OSBP2: variants seen among roughly 807,000 people sequenced by gnomAD.
OSBP2 encodes the protein oxysterol binding protein 2, also known as oxysterol-binding protein 2.
A neutral mutation model predicts 96.0 loss-of-function variants in OSBP2; 66 were observed. The observed-to-expected ratio is 0.69, with a 90% CI of 0.56 to 0.84. The LOEUF is 0.84. OSBP2 is among the 40% of genes least tolerant of loss of function. The pLI is 0.00. For missense variants in OSBP2, 1,038 were observed against 1,222.7 expected (o/e 0.85, Z 2.25); for synonymous variants, 525 against 520.9 (o/e 1.01, Z -0.11).
At chr22:30,766,234 A>G (rs1005280027) in intron 2 of OSBP2, among the ~76,000 whole-genome samples, 3 of 152,116 alleles carry the variant, frequency 2.0e-5, no homozygotes, top group African/African-American at 7.2e-5. Flanking sequence ...AAACAAAAAC[A>G]AAAAACTGGT....
At chr22:30,807,477 G>T (rs1026562847) in intron 2 of OSBP2, among the ~76,000 whole-genome samples, 7 of 152,110 alleles carry the variant, frequency 4.6e-5, no homozygotes, top group African/African-American at 1.7e-4. Context: ...TCTGCTCTCG[G>T]CACTGCTTTC....
chr22:30,903,512 T>A (rs886369008), intron 12 of OSBP2, among the ~76,000 whole-genome samples: 17 of 151,998 alleles, frequency 1.1e-4, no homozygotes, highest in African/African-American at 4.1e-4. Context: ...CAGTAGGGAG[T>A]CCACGGAGAA....
chr22:30,746,773 C>T (rs12158477), intron 2 of OSBP2, among the ~76,000 whole-genome samples: 5,783 of 151,732 alleles, frequency 0.038, 185 homozygotes, highest in African/African-American at 0.081. Context: ...ATTACAGGCA[C>T]GAGCCACTGT....
At chr22:30,795,075 G>C (rs1188563675) in intron 2 of OSBP2, among the ~76,000 whole-genome samples, 1 of 151,284 alleles carries the variant, frequency 6.6e-6, no homozygotes, top group Non-Finnish European at 1.5e-5. Context: ...GCACCCAGGT[G>C]ATGTTTTAAA....
At chr22:30,853,903 G>C (rs1389519625) in intron 2 of OSBP2, among the ~76,000 whole-genome samples, 1 of 152,044 alleles carries the variant, frequency 6.6e-6, no homozygotes, top group Admixed American at 6.6e-5. Flanking sequence ...GGGATTACAG[G>C]CGCCCGCCAC....
chr22:30,846,117 T>C (rs1295733975), intron 2 of OSBP2, among the ~76,000 whole-genome samples: 1 of 152,056 alleles, frequency 6.6e-6, no homozygotes, highest in Admixed American at 6.6e-5. Context: ...TTTTCTAAAG[T>C]GATCATATCA....
chr22:30,887,758 C>T lies in OSBP2; in HGVS notation c.1300+140C>T, dbSNP rs142109304. The T allele has an allele frequency of 3.1e-3, 2,113 of 681,890 alleles. 9 individuals are homozygous for T. The highest frequency in any genetic ancestry group is 2.8e-3 in the Non-Finnish European group (1,132 of 408,696). 42.2% of individuals were successfully genotyped at this position (681,890 alleles called of 1,614,324 possible). On this transcript the variant is annotated intron_variant, in intron 4 of 13. Transcript: ENST00000332585. Reference sequence around the variant, plus strand: ...CTTGGCCAACTCTTGACTGCCTCTTCGTGGTTTTGTATCTCCCATGTCCAT... The same window carrying T: ...CTTGGCCAACTCTTGACTGCCTCTTTGTGGTTTTGTATCTCCCATGTCCAT...
chr22:30,795,131 G>T (rs2090738865), intron 2 of OSBP2, among the ~76,000 whole-genome samples: 1 of 151,780 alleles, frequency 6.6e-6, no homozygotes, highest in East Asian at 1.9e-4. Flanking sequence ...GGCTGGTCTT[G>T]AGCACCTGAG....
Position 30,887,463 on chromosome 22 carries a change from G to C in OSBP2, c.1145G>C (p.Ser382Thr). 6.2e-7 allele frequency: 1 copy of C among 1,613,964 alleles called. No individual in the cohort carries two copies. Among genetic ancestry groups the C allele is most frequent in the Non-Finnish European group, 8.5e-7 (1 of 1,180,032 alleles). The stretch of plus-strand genomic sequence containing the variant: ...TTCTTGGAACTAGCAGAGATACACA[G>C]TCGGAAATGGCAGCGGGCACTGCAG... ...RDFLELAEIH[S>T]RKWQRALQYE... Residue 382 changes from serine (S) to threonine (T), a missense_variant, in exon 4 of 14, where the codon AGT (serine) becomes ACT (threonine). Physicochemically the swap from Ser to Thr is moderately conservative, Grantham distance 58. Coordinates refer to ENST00000332585, the MANE Select transcript of OSBP2 (RefSeq NM_030758.4).
intron 1 of OSBP2, among the ~76,000 whole-genome samples, chr22:30,701,854 G>A (rs758925878): frequency 3.3e-5 from 5 of 152,284 alleles, no homozygotes; most frequent in South Asian, 4.1e-4. Flanking sequence ...TTAGGAGGCC[G>A]AAAAGGAATG....
intron 2 of OSBP2, among the ~76,000 whole-genome samples, chr22:30,773,838 G>T (rs1039989626): frequency 6.6e-6 from 1 of 152,112 alleles, no homozygotes; most frequent in East Asian, 1.9e-4. Flanking sequence ...GGACTTCAAG[G>T]TGACTCCAGA....
At chr22:30,865,503 A>G (rs1212267389) in intron 2 of OSBP2, among the ~76,000 whole-genome samples, 2 of 151,874 alleles carry the variant, frequency 1.3e-5, no homozygotes, top group Non-Finnish European at 2.9e-5. Context: ...GTTGTGACGC[A>G]TGCCTGTAAT....
chr22:30,874,602 G>A (rs574324287), intron 3 of OSBP2, among the ~76,000 whole-genome samples: 1 of 152,156 alleles, frequency 6.6e-6, no homozygotes, highest in African/African-American at 2.4e-5. Context: ...TCCACGCACC[G>A]TCTGGTCCTC....
Position 30,887,533 on chromosome 22 carries a change from GC to G in OSBP2, c.1216del (p.Leu406TrpfsTer32), listed in dbSNP as rs761209200. 1.2e-6 allele frequency: 2 copies of G among 1,613,640 alleles called. No homozygotes were observed. Among genetic ancestry groups the G allele is most frequent in the African/African-American group, 1.3e-5 (1 of 75,062 alleles). ...TGCACTTGGAGGAAACCATTGAGCA[GC>G]TGGCGAAGCAGCACAACAGCCTCGA... ...RVHLEETIEQ[L>X]AKQHNSLERA... is the part of the protein sequence containing the mutation. On this transcript the variant is annotated frameshift_variant, in exon 4 of 14. Transcript: ENST00000332585. LOFTEE classifies it high-confidence loss of function.
At chr22:30,861,242 G>A (rs1384178713) in intron 2 of OSBP2, among the ~76,000 whole-genome samples, 1 of 152,190 alleles carries the variant, frequency 6.6e-6, no homozygotes, top group East Asian at 1.9e-4. Flanking sequence ...TGCCACAGCA[G>A]CTCCAGTGAA....
intron 1 of OSBP2, among the ~76,000 whole-genome samples, chr22:30,719,048 C>T (rs766679740): frequency 2.4e-4 from 36 of 152,204 alleles, no homozygotes; most frequent in Non-Finnish European, 4.9e-4. Flanking sequence ...TATCTGTCAG[C>T]TTACTGAGCC....
At chr22:30,746,774 G>A (rs1274984661) in intron 2 of OSBP2, among the ~76,000 whole-genome samples, 1 of 152,094 alleles carries the variant, frequency 6.6e-6, no homozygotes, top group East Asian at 1.9e-4. Flanking sequence ...TTACAGGCAC[G>A]AGCCACTGTG....
chr22:30,867,203 C>T (rs758460420), intron 2 of OSBP2, among the ~76,000 whole-genome samples: 14 of 152,276 alleles, frequency 9.2e-5, no homozygotes, highest in Non-Finnish European at 1.5e-4. Flanking sequence ...TCCCTCTATC[C>T]GCCTGTGATT....
At chr22:30,778,146 C>A (rs183502851) in intron 2 of OSBP2, among the ~76,000 whole-genome samples, 1 of 141,056 alleles carries the variant, frequency 7.1e-6, no homozygotes, top group Non-Finnish European at 1.5e-5. Flanking sequence ...AGGCATGCAC[C>A]AGCATGCCCG....
Sources: allele counts gnomAD v4.1 joint callset (sites outside exome capture counted in the v4.1 genomes callset), GRCh38; gene constraint gnomAD v4.1.1; transcripts MANE v1.5; gene names NCBI Gene and HGNC (gene_info 2026-07-23, HGNC 2026-07-21).